Variants in CLPB observed in about 807,000 individuals in gnomAD.
CLPB encodes mitochondrial disaggregase.
A neutral mutation model predicts 78.4 loss-of-function variants in CLPB; 40 were observed. The observed-to-expected ratio is 0.51, with a 90% CI of 0.40 to 0.66. The LOEUF is 0.66. Among genes scored for constraint, CLPB ranks in the 30% least tolerant of loss-of-function variants. The probability of loss-of-function intolerance (pLI) is 0.00; values close to 1 mark genes in which losing one functional copy is unlikely to be tolerated. For synonymous variants in CLPB, 333 were observed against 348.0 expected, an observed-to-expected ratio of 0.96 and a Z score of 0.48; for missense variants, 780 against 886.9, an observed-to-expected ratio of 0.88 and a Z score of 1.53.
At chr11:72,334,236 T>C (rs192390155) in intron 5 of CLPB, among the ~76,000 whole-genome samples, 73 of 152,208 alleles carry the variant, frequency 4.8e-4, no homozygotes, top group African/African-American at 1.6e-3. Flanking sequence ...TCATAAAGGA[T>C]GGGATGGGGA....
rs770932848 is a variant in CLPB at position 72,372,990 on chromosome 11, C to T, written c.646+7291G>A. The T allele has an allele frequency of 7.2e-5, 116 of 1,614,068 alleles. No individual in the cohort carries two copies. Among genetic ancestry groups the T allele is most frequent in the Middle Eastern group, 1.6e-4 (1 of 6,062 alleles). On this transcript the variant is annotated intron_variant, in intron 4 of 15. Coordinates refer to ENST00000538039, the MANE Select transcript of CLPB (RefSeq NM_001258392.3). Reference sequence around the variant, plus strand: ...ACTTGTCCACTGGTTTGTGATGTGCCGGCTTGCACCGTCCTGTCCCCCATC... The same window carrying T: ...ACTTGTCCACTGGTTTGTGATGTGCTGGCTTGCACCGTCCTGTCCCCCATC...
At chr11:72,391,261 T>C (rs1477786500) in intron 3 of CLPB, among the ~76,000 whole-genome samples, 4 of 152,324 alleles carry the variant, frequency 2.6e-5, no homozygotes, top group Non-Finnish European at 4.4e-5. Context: ...CTTCAACTGG[T>C]TGGTGTTCAT....
In CLPB at chr11:72,359,898, T is replaced by TA. The variant is rs546707309; in HGVS notation, c.647-891dup. ...GTGATTTTCTCACTCTGATTTGATATAAAATAACATAAAACCAGTCCATCA... is the reference window on the plus strand; with the variant it reads ...GTGATTTTCTCACTCTGATTTGATATAAAAATAACATAAAACCAGTCCATCA... On this transcript the variant is annotated intron_variant, in intron 4 of 15. Coordinates refer to ENST00000538039, the MANE Select transcript of CLPB (RefSeq NM_001258392.3). Among the ~76,000 whole-genome samples, 599 of 152,362 alleles carry TA rather than the reference T, an allele frequency of 3.9e-3. 8 individuals carry two copies. The highest frequency in any genetic ancestry group is 0.014 in the African/African-American group (562 of 41,588).
intron 10 of CLPB, 57 bp from the exon 11 acceptor site, chr11:72,302,021 A>T (rs946577085): frequency 1.3e-6 from 2 of 1,581,826 alleles, no homozygotes; most frequent in Admixed American, 3.4e-5. Flanking sequence ...AGTTTCCAAC[A>T]TGGGGCATGC....
In CLPB at chr11:72,286,927, C is replaced by T. The variant is rs1328534110; in HGVS notation, c.*6440G>A. The T allele has an allele frequency of 6.6e-6, 1 of 151,950 alleles. No individual in the cohort carries two copies. Among genetic ancestry groups the T allele is most frequent in the African/African-American group, 2.4e-5 (1 of 41,354 alleles). 9.4% of individuals were successfully genotyped at this position (151,950 alleles called of 1,614,324 possible). A position where few individuals can be genotyped will look rare whatever the true frequency, so the allele number is the denominator to read the frequency against. ...AAACAAGGACGTTCTCTTCTGTAAT[C>T]ATAGTATAATTATCAAAATGAGAAA... On this transcript the variant is annotated 3_prime_UTR_variant, in exon 16 of 16. Transcript: ENST00000538039.
chr11:72,325,658 T>C (rs1193047895), intron 6 of CLPB, among the ~76,000 whole-genome samples: 1 of 152,150 alleles, frequency 6.6e-6, no homozygotes, highest in Non-Finnish European at 1.5e-5. Flanking sequence ...TCACCAATAA[T>C]ATTAAGTGAA....
chr11:72,430,274 C>G, intron 2 of CLPB, 38 bp downstream of exon 2: 3 of 1,602,270 alleles, frequency 1.9e-6, no homozygotes, highest in Middle Eastern at 3.3e-4. Flanking sequence ...TGCTCAGCCT[C>G]TCCTGTAGGG....
At chr11:72,424,229 G>A (rs1342222521) in intron 2 of CLPB, among the ~76,000 whole-genome samples, 1 of 152,172 alleles carries the variant, frequency 6.6e-6, no homozygotes, top group Admixed American at 6.5e-5. Flanking sequence ...TATGCAAAAT[G>A]TATCGGGCCC....
At chr11:72,324,385 T>C (rs1260245146) in intron 6 of CLPB, among the ~76,000 whole-genome samples, 1 of 152,008 alleles carries the variant, frequency 6.6e-6, no homozygotes, top group Non-Finnish European at 1.5e-5. Flanking sequence ...CTGGCCAACA[T>C]GGTGAAACCC....
intron 4 of CLPB, among the ~76,000 whole-genome samples, chr11:72,372,735 A>G (rs1283199121): frequency 6.6e-6 from 1 of 152,042 alleles, no homozygotes; most frequent in Non-Finnish European, 1.5e-5. Context: ...TTTCCTTGGG[A>G]GCCTTATTAT....
chr11:72,350,504 G>T (rs1750146787), intron 5 of CLPB, among the ~76,000 whole-genome samples: 1 of 152,130 alleles, frequency 6.6e-6, no homozygotes, highest in Non-Finnish European at 1.5e-5. Flanking sequence ...CTAATAATTA[G>T]CTGGTAATTT....
At chr11:72,399,764 T>C (rs750052926) in intron 3 of CLPB, among the ~76,000 whole-genome samples, 3 of 152,198 alleles carry the variant, frequency 2.0e-5, no homozygotes, top group Non-Finnish European at 2.9e-5. Flanking sequence ...GAATCAAGGG[T>C]GCTCCCCCTC....
chr11:72,349,593 A>G (rs1175879873), intron 5 of CLPB, among the ~76,000 whole-genome samples: 7 of 152,206 alleles, frequency 4.6e-5, no homozygotes, highest in Non-Finnish European at 1.5e-5. Context: ...CAGCCTTGGA[A>G]GGGGCTTTTG....
At chr11:72,420,068 A>T (rs1856147034) in intron 2 of CLPB, among the ~76,000 whole-genome samples, 1 of 152,246 alleles carries the variant, frequency 6.6e-6, no homozygotes, top group African/African-American at 2.4e-5. Flanking sequence ...ACTTTTAGCC[A>T]GGCGTGGTGG....
At chr11:72,344,623 C>G (rs1055324711) in intron 5 of CLPB, among the ~76,000 whole-genome samples, 1 of 152,132 alleles carries the variant, frequency 6.6e-6, no homozygotes. Context: ...GAGTCCTCAG[C>G]CCTTATTCCT....
In CLPB at chr11:72,382,625, C is replaced by T. The variant is rs116242506; in HGVS notation, c.543-2241G>A. 8.9e-3 allele frequency among the ~76,000 whole-genome samples: 1,361 copies of T among 152,348 alleles called. 19 individuals carry two copies. The highest frequency in any genetic ancestry group is 0.032 in the African/African-American group (1,311 of 41,580). ...TCACCTGCTGACCCAGGTACCAGGC[C>T]AGCCTGCCTAAGGACTTCAGCACCA... On this transcript the variant is annotated intron_variant, in intron 3 of 15. Transcript: ENST00000538039.
chr11:72,398,555 C>T (rs747520204), intron 3 of CLPB, among the ~76,000 whole-genome samples: 29 of 152,010 alleles, frequency 1.9e-4, no homozygotes, highest in Non-Finnish European at 3.5e-4. Flanking sequence ...ATTTCTTTTC[C>T]TTCTTAAAGA....
chr11:72,353,590 A>G (rs1950653663), intron 5 of CLPB, among the ~76,000 whole-genome samples: 1 of 152,208 alleles, frequency 6.6e-6, no homozygotes, highest in Non-Finnish European at 1.5e-5. Context: ...ATACTAAATC[A>G]TGTGCAGAGC....
intron 5 of CLPB, chr11:72,336,687 C>T (rs968236935): frequency 1.2e-5 from 2 of 168,960 alleles, no homozygotes; most frequent in East Asian, 1.6e-4. Context: ...AGTCTGTTGA[C>T]TATCTCAAAT....
Sources: gnomAD v4.1 joint callset for allele counts (sites outside exome capture counted in the v4.1 genomes callset) on GRCh38, gnomAD v4.1.1 for gene constraint, MANE v1.5 for transcripts, NCBI Gene and HGNC (gene_info 2026-07-23, HGNC 2026-07-21) for gene names.